STK32B: variants seen among roughly 807,000 people sequenced by gnomAD.
STK32B encodes the protein serine/threonine kinase 32B.
STK32B carries 43 observed loss-of-function variants against 52.6 expected under a neutral mutation model. The observed-to-expected ratio is 0.82, with a 90% CI of 0.64 to 1.05. The LOEUF is 1.05. Ranked by LOEUF, STK32B falls within the 50% of genes least tolerant of loss-of-function variation. The pLI is 0.00. For synonymous variants in STK32B, 238 were observed against 204.3 expected (o/e 1.17, Z -1.41); for missense variants, 621 against 534.6 (o/e 1.16, Z -1.59).
In STK32B at chr4:5,453,940, G is replaced by C. The variant is rs928551405; in HGVS notation, c.667-2867G>C. ...AAGTCCAAAACTGAACTCAGCCCCA[G>C]CTCATCTCCCAGTGGTAGCCCTGAG... On this transcript the variant is annotated intron_variant, in intron 7 of 11. Transcript: ENST00000282908. The surrounding 1 kb of genome is among the most constrained non-coding windows in gnomAD (Gnocchi z 4.0). 7.2e-5 allele frequency among the ~76,000 whole-genome samples: 11 copies of C among 151,990 alleles called. No individual in the cohort carries two copies. Among genetic ancestry groups the C allele is most frequent in the Admixed American group, 1.3e-4 (2 of 15,252 alleles).
intron 4 of STK32B, among the ~76,000 whole-genome samples, chr4:5,367,233 C>T (rs958627374): frequency 3.4e-4 from 52 of 152,248 alleles, no homozygotes; most frequent in African/African-American, 1.1e-3. Flanking sequence ...GTCGGTTAGC[C>T]TCATGGTTTG....
chr4:5,184,695 A>G (rs200358488), intron 3 of STK32B, among the ~76,000 whole-genome samples: 3 of 137,598 alleles, frequency 2.2e-5, no homozygotes, highest in Admixed American at 8.0e-5. Flanking sequence ...AAAAAAAAAA[A>G]AAGAAGAAGA....
intron 11 of STK32B, among the ~76,000 whole-genome samples, chr4:5,472,284 C>G (rs944946548): frequency 6.6e-6 from 1 of 152,240 alleles, no homozygotes. Flanking sequence ...GTGAATCAGA[C>G]ACACAGGGGC....
chr4:5,322,325 G>T (rs1577346767), intron 3 of STK32B, among the ~76,000 whole-genome samples: 1 of 152,116 alleles, frequency 6.6e-6, no homozygotes, highest in South Asian at 2.1e-4. Context: ...GCTATTCTTA[G>T]CTCCTCTCTT....
At chr4:5,340,244 A>G (rs1258634012) in intron 4 of STK32B, among the ~76,000 whole-genome samples, 1 of 152,212 alleles carries the variant, frequency 6.6e-6, no homozygotes, top group Non-Finnish European at 1.5e-5. Context: ...GATGATGACC[A>G]TGACAGAGCA....
chr4:5,391,600 G>A (rs529569607), intron 4 of STK32B, among the ~76,000 whole-genome samples: 7 of 152,308 alleles, frequency 4.6e-5, no homozygotes, highest in Admixed American at 6.5e-5. Flanking sequence ...GGGAAAGACC[G>A]AGGCACCCAG....
At chr4:5,271,672 T>C (rs1727440557) in intron 3 of STK32B, among the ~76,000 whole-genome samples, 1 of 147,442 alleles carries the variant, frequency 6.8e-6, no homozygotes, top group African/African-American at 2.7e-5. Flanking sequence ...TATCCTCTTT[T>C]ATTTCCTTGA....
intron 6 of STK32B, among the ~76,000 whole-genome samples, chr4:5,428,118 C>T (rs1428176968): frequency 6.6e-6 from 1 of 151,934 alleles, no homozygotes; most frequent in African/African-American, 2.4e-5. Flanking sequence ...CAGTTAAAAA[C>T]ATTTCTAGGC....
chr4:5,280,405 C>G (rs917265369), intron 3 of STK32B, among the ~76,000 whole-genome samples: 2 of 152,156 alleles, frequency 1.3e-5, no homozygotes, highest in Non-Finnish European at 2.9e-5. Flanking sequence ...CAACAAGTCT[C>G]TAGGAAGTTC....
chr4:5,408,291 T>C (rs1737807103), intron 5 of STK32B, among the ~76,000 whole-genome samples: 1 of 152,132 alleles, frequency 6.6e-6, no homozygotes, highest in Admixed American at 6.5e-5. Flanking sequence ...TGGGAGTTGA[T>C]GAGAGCCTGG....
At chr4:5,142,904 CTT>C (rs1239805096) in intron 2 of STK32B, among the ~76,000 whole-genome samples, 1 of 152,150 alleles carries the variant, frequency 6.6e-6, no homozygotes, top group East Asian at 1.9e-4. Context: ...CATTTGAAGA[CTT>C]TAGGAGAAAA....
chr4:5,303,433 G>A (rs1005123291), intron 3 of STK32B, among the ~76,000 whole-genome samples: 11 of 152,116 alleles, frequency 7.2e-5, no homozygotes, highest in African/African-American at 2.7e-4. Flanking sequence ...GTGATAATTA[G>A]TGATGTTGAG....
At chr4:5,147,508 T>A (rs936290953) in intron 2 of STK32B, among the ~76,000 whole-genome samples, 1 of 152,074 alleles carries the variant, frequency 6.6e-6, no homozygotes, top group Admixed American at 6.5e-5. Context: ...TTCTTAATTT[T>A]AGGGGAAAAA....
At chr4:5,042,512 T>C in the STK32B span, among the ~76,000 whole-genome samples, 1 of 152,188 alleles carries the variant, frequency 6.6e-6, no homozygotes, top group Non-Finnish European at 1.5e-5. Context: ...GTAGAAGGAA[T>C]GTACTTACTT....
rs1040852247 is a variant in STK32B, at chr4:5,051,625, G to C, written c.-239G>C. On this transcript the variant is annotated 5_prime_UTR_variant, in exon 1 of 12. Coordinates refer to ENST00000282908, the MANE Select transcript of STK32B (RefSeq NM_018401.3). ...TAAGGAGCTGCGAGCGCAGCCCGAGGCGGGGCACGGCGGAAGGCGCGGCGA... is the reference window on the plus strand; with the variant it reads ...TAAGGAGCTGCGAGCGCAGCCCGAGCCGGGGCACGGCGGAAGGCGCGGCGA... 1 of 517,268 alleles carries C rather than the reference G, an allele frequency of 1.9e-6. No individual in the cohort carries two copies. Among genetic ancestry groups the C allele is most frequent in the African/African-American group, 2.0e-5 (1 of 48,788 alleles). The allele number at this position is 517,268 out of a possible 1,614,324, so 32.0% of individuals were successfully genotyped here.
intron 5 of STK32B, 44 bp from the exon 6 acceptor site, chr4:5,416,801 C>A: frequency 6.4e-7 from 1 of 1,574,704 alleles, no homozygotes; most frequent in African/African-American, 1.3e-5. Flanking sequence ...AACCCAGCTG[C>A]CTGCAGCCCA....
At position 5,250,892 on chromosome 4, in the gene STK32B, C is replaced by A. The variant is rs142140529; in HGVS notation, c.261-80328C>A. On this transcript the variant is annotated intron_variant, in intron 3 of 11. Coordinates refer to ENST00000282908, the MANE Select transcript of STK32B (RefSeq NM_018401.3). The stretch of plus-strand genomic sequence containing the variant: ...AAAGTGTCTGTTCATTTCCTTTGCC[C>A]ACTTTTTAATGGGGTTGTTTGCTTT... Among the ~76,000 whole-genome samples, 492 of 152,214 alleles carry A rather than the reference C, an allele frequency of 3.2e-3. 6 individuals carry two copies. The highest frequency in any genetic ancestry group is 0.018 in the Admixed American group (275 of 15,280).
intron 11 of STK32B, among the ~76,000 whole-genome samples, chr4:5,489,601 AATTTTATTTT>A (rs776144266): frequency 6.6e-6 from 1 of 151,842 alleles, no homozygotes; most frequent in Non-Finnish European, 1.5e-5. Flanking sequence ...CATTAACAAC[AATTTTATTTT>A]ATTTTATTTA....
chr4:5,224,704 A>G (rs1488604419), intron 3 of STK32B, among the ~76,000 whole-genome samples: 2 of 152,178 alleles, frequency 1.3e-5, no homozygotes, highest in East Asian at 3.8e-4. Context: ...AATGTTAATT[A>G]ATGACATTAA....
Sources: gnomAD v4.1 joint callset for allele counts (sites outside exome capture counted in the v4.1 genomes callset) on GRCh38, gnomAD v4.1.1 for gene constraint, Gnocchi (gnomAD v3.1) non-coding constraint, MANE v1.5 for transcripts, NCBI Gene and HGNC (gene_info 2026-07-23, HGNC 2026-07-21) for gene names.